The following PDLIM5 variants were observed in gnomAD, a reference collection of about 807,000 sequenced individuals.
PDLIM5 encodes PDZ and LIM domain 5.
In PDLIM5, 34 loss-of-function variants were observed where a neutral mutation model predicts 64.2. That is an observed-to-expected ratio of 0.53 (90% CI 0.40 to 0.71). The LOEUF is 0.71. Ranked by LOEUF, PDLIM5 falls within the 30% of genes least tolerant of loss-of-function variation. PDLIM5 has a pLI of 0.00. For synonymous variants in PDLIM5, 253 were observed against 269.1 expected (o/e 0.94, Z 0.59); for missense variants, 683 against 733.6 (o/e 0.93, Z 0.80).
chr4:94,654,430 A>T, intron 9 of PDLIM5, 30 bp from the exon 10 acceptor site: 1 of 1,469,382 alleles, frequency 6.8e-7, no homozygotes, highest in Non-Finnish European at 9.5e-7. Flanking sequence ...TTTATTCTCA[A>T]ACTTAGTTGG....
intron 3 of PDLIM5, among the ~76,000 whole-genome samples, chr4:94,539,774 G>T (rs1016292033): frequency 5.3e-5 from 8 of 152,106 alleles, no homozygotes; most frequent in Admixed American, 3.3e-4. Context: ...GCCATTCTAG[G>T]CAGAGAGCAC....
At chr4:94,569,659 AAATGAGAG>A (rs1734642839) in intron 3 of PDLIM5, among the ~76,000 whole-genome samples, 1 of 152,166 alleles carries the variant, frequency 6.6e-6, no homozygotes, top group Admixed American at 6.5e-5. Context: ...CTCATCTGTA[AAATGAGAG>A]AATGACACCT....
chr4:94,576,437 G>T (rs1038845514), intron 5 of PDLIM5, among the ~76,000 whole-genome samples: 1 of 152,186 alleles, frequency 6.6e-6, no homozygotes, highest in African/African-American at 2.4e-5. Context: ...TCATCGTAAG[G>T]AGAGGGGAAA....
chr4:94,497,708 A>G (rs1560656530), intron 2 of PDLIM5, among the ~76,000 whole-genome samples: 1 of 152,216 alleles, frequency 6.6e-6, no homozygotes, highest in Non-Finnish European at 1.5e-5. Flanking sequence ...TTCATTTAAA[A>G]AACTGAAATG....
intron 4 of PDLIM5, among the ~76,000 whole-genome samples, chr4:94,574,590 G>C (rs115071184): frequency 0.014 from 2,145 of 151,048 alleles, 30 homozygotes; most frequent in African/African-American, 0.035. Context: ...TCAAAAATTT[G>C]ATTTTTTCTT....
At chr4:94,505,321 TG>T (rs1728294897) in intron 2 of PDLIM5, among the ~76,000 whole-genome samples, 1 of 152,040 alleles carries the variant, frequency 6.6e-6, no homozygotes, top group African/African-American at 2.4e-5. Flanking sequence ...TGCAGTGGCG[TG>T]ATCTCAGCTC....
chr4:94,524,079 G>A (rs1730108156), intron 3 of PDLIM5, among the ~76,000 whole-genome samples: 1 of 152,140 alleles, frequency 6.6e-6, no homozygotes, highest in African/African-American at 2.4e-5. Context: ...CAAAAGGCAT[G>A]TATTCCCATA....
At chr4:94,612,654 C>A (rs189413710) in intron 7 of PDLIM5, among the ~76,000 whole-genome samples, 3 of 152,234 alleles carry the variant, frequency 2.0e-5, no homozygotes, top group African/African-American at 7.2e-5. Flanking sequence ...CAATAGGACA[C>A]AGACAAAATA....
chr4:94,479,500 A>T (rs1053290804), intron 2 of PDLIM5, among the ~76,000 whole-genome samples: 1,765 of 138,440 alleles, frequency 0.013, 39 homozygotes, highest in African/African-American at 0.044. Flanking sequence ...GCTGATTTTT[A>T]TTTTTTTTTT....
In PDLIM5 at chr4:94,664,173, T is replaced by C; in HGVS notation, c.*106T>C. On this transcript the variant is annotated 3_prime_UTR_variant, in exon 13 of 13. Coordinates refer to ENST00000317968, the MANE Select transcript of PDLIM5 (RefSeq NM_006457.5). ...ATTTATATGGAGTTTTGAAAAATAA[T>C]AGTGGCCCTGAAGGAATAAATTCCA... The C allele has an allele frequency of 7.7e-7, 1 of 1,298,960 alleles. No homozygotes were observed. Among genetic ancestry groups the C allele is most frequent in the East Asian group, 2.9e-5 (1 of 34,728 alleles). 80.5% of individuals were successfully genotyped at this position (1,298,960 alleles called of 1,614,324 possible). A position where few individuals can be genotyped will look rare whatever the true frequency, so the allele number is the denominator to read the frequency against.
intron 7 of PDLIM5, among the ~76,000 whole-genome samples, chr4:94,606,291 T>A (rs1287155247): frequency 1.3e-5 from 2 of 152,126 alleles, no homozygotes; most frequent in African/African-American, 4.8e-5. Flanking sequence ...AATAACAAAT[T>A]ATATGAGTGA....
At chr4:94,608,311 G>A (rs752549841) in intron 7 of PDLIM5, 1 of 455,378 alleles carries the variant, frequency 2.2e-6, no homozygotes, top group Non-Finnish European at 3.7e-6. Flanking sequence ...AAGAAAGCTT[G>A]GCACTCAGCC....
At chr4:94,642,017 T>G (rs113628374) in intron 9 of PDLIM5, among the ~76,000 whole-genome samples, 10 of 152,214 alleles carry the variant, frequency 6.6e-5, no homozygotes, top group African/African-American at 2.2e-4. Context: ...TGCTGCTTTA[T>G]CCTAATAAAG....
intron 2 of PDLIM5, among the ~76,000 whole-genome samples, chr4:94,512,960 A>G (rs1340270508): frequency 2.6e-5 from 4 of 152,164 alleles, no homozygotes; most frequent in East Asian, 1.9e-4. Flanking sequence ...ATGGATGTTC[A>G]GTTTTCCCAG....
chr4:94,551,583 T>C (rs1325882977), intron 3 of PDLIM5, among the ~76,000 whole-genome samples: 1 of 152,154 alleles, frequency 6.6e-6, no homozygotes, highest in African/African-American at 2.4e-5. Context: ...CTGTATTGCT[T>C]ATTCATTTCA....
At chr4:94,663,537 G>T (rs2110511959) in intron 12 of PDLIM5, among the ~76,000 whole-genome samples, 1 of 152,274 alleles carries the variant, frequency 6.6e-6, no homozygotes, top group African/African-American at 2.4e-5. Flanking sequence ...AGGGTCTCAG[G>T]TATTCTGTGC....
intron 3 of PDLIM5, among the ~76,000 whole-genome samples, chr4:94,561,130 G>A (rs144062740): frequency 2.0e-5 from 3 of 152,138 alleles, no homozygotes; most frequent in East Asian, 1.9e-4. Context: ...CTTCCACCTC[G>A]TTACAAATAG....
intron 3 of PDLIM5, chr4:94,549,691 A>C (rs916753107): frequency 2.0e-5 from 3 of 152,196 alleles, no homozygotes; most frequent in Non-Finnish European, 4.4e-5. Flanking sequence ...ACGTTTGTAG[A>C]TACTGTACAC....
intron 3 of PDLIM5, among the ~76,000 whole-genome samples, chr4:94,552,379 A>T (rs577927132): frequency 6.6e-6 from 1 of 152,290 alleles, no homozygotes; most frequent in South Asian, 2.1e-4. Flanking sequence ...TGGTTGGAAA[A>T]AGTAAGGGAA....
Sources: allele counts gnomAD v4.1 joint callset (sites outside exome capture counted in the v4.1 genomes callset), GRCh38; gene constraint gnomAD v4.1.1; transcripts MANE v1.5; gene names NCBI Gene and HGNC (gene_info 2026-07-23, HGNC 2026-07-21).